Variants in MALRD1 observed in about 807,000 individuals in gnomAD.
The protein encoded by MALRD1 is MAM and LDL-receptor class A domain-containing protein 1.
MALRD1 carries 247 observed loss-of-function variants against 242.1 expected under a neutral mutation model. That is an observed-to-expected ratio of 1.02 (90% CI 0.92 to 1.13). The LOEUF (loss-of-function observed/expected upper bound fraction) is 1.13. Ranked by LOEUF, MALRD1 falls within the 50% of genes most tolerant of loss-of-function variation. The pLI is 0.00. For synonymous variants in MALRD1, 995 were observed against 866.6 expected (o/e 1.15, Z -2.60); for missense variants, 2,989 against 2,533.1 (o/e 1.18, Z -3.86).
chr10:19,543,433 C>CTTTTTTTTTTTTTTTTTTTTTTTTTT (rs71388849), intron 32 of MALRD1, among the ~76,000 whole-genome samples: 2 of 106,410 alleles, frequency 1.9e-5, no homozygotes, highest in African/African-American at 3.4e-5. Context: ...CAGCTGATTT[C>CTTTTTTTTTTTTTTTTTTTTTTTTTT]TTTTTTTTTT....
At chr10:19,320,447 A>G (rs954958373) in intron 21 of MALRD1, among the ~76,000 whole-genome samples, 1 of 151,946 alleles carries the variant, frequency 6.6e-6, no homozygotes, top group Non-Finnish European at 1.5e-5. Context: ...ATATGTGCCA[A>G]ATTTTCTTTA....
At chr10:19,098,781 A>G (rs1369803138) in intron 4 of MALRD1, among the ~76,000 whole-genome samples, 1 of 152,172 alleles carries the variant, frequency 6.6e-6, no homozygotes, top group Non-Finnish European at 1.5e-5. Context: ...TGGAGGTTTA[A>G]TAGGTGAAAG....
At chr10:19,139,796 C>G (rs1271323670) in intron 10 of MALRD1, among the ~76,000 whole-genome samples, 2 of 152,324 alleles carry the variant, frequency 1.3e-5, no homozygotes, top group Admixed American at 1.3e-4. Flanking sequence ...AATGCAGAAC[C>G]TCAGGCCCTG....
rs550573465 is a variant in MALRD1 at position 19,098,710 on chromosome 10, G to A, written c.598-5269G>A. Among the ~76,000 whole-genome samples the A allele has an allele frequency of 2.0e-5, 3 of 152,218 alleles. 1 individual carries two copies. The South Asian group carries it at 6.2e-4, about 32-fold the overall frequency. On this transcript the variant is annotated intron_variant, in intron 4 of 39. Transcript: ENST00000454679. ...CCTCGTTGTCTGGGGCTATACCTGAGGTTCATTGTTTCATGCCAAGGAAAT... is the reference window on the plus strand; with the variant it reads ...CCTCGTTGTCTGGGGCTATACCTGAAGTTCATTGTTTCATGCCAAGGAAAT...
intron 30 of MALRD1, among the ~76,000 whole-genome samples, chr10:19,497,586 C>G (rs1413642783): frequency 6.6e-6 from 1 of 151,878 alleles, no homozygotes; most frequent in Non-Finnish European, 1.5e-5. Flanking sequence ...AGGCTTTTTT[C>G]TGATTACATT....
chr10:19,181,004 A>G (rs1019216275), intron 14 of MALRD1, among the ~76,000 whole-genome samples: 2 of 152,172 alleles, frequency 1.3e-5, no homozygotes, highest in Non-Finnish European at 2.9e-5. Context: ...ATACAAATCC[A>G]AAACTCTTTT....
At chr10:19,251,704 C>T (rs1839298060) in intron 18 of MALRD1, among the ~76,000 whole-genome samples, 1 of 151,974 alleles carries the variant, frequency 6.6e-6, no homozygotes, top group African/African-American at 2.4e-5. Context: ...GGGAACCAGA[C>T]ATGGGACATG....
chr10:19,154,087 C>T (rs1178812119), intron 11 of MALRD1, among the ~76,000 whole-genome samples: 2 of 152,170 alleles, frequency 1.3e-5, no homozygotes, highest in African/African-American at 2.4e-5. Context: ...AACTTGCTCG[C>T]ATGCACTGTT....
chr10:19,591,866 C>T (rs936341467), intron 33 of MALRD1, among the ~76,000 whole-genome samples: 4 of 152,100 alleles, frequency 2.6e-5, no homozygotes, highest in African/African-American at 9.7e-5. Context: ...AGTACATCTT[C>T]CAGGAGTATT....
chr10:19,280,909 T>C (rs1840773635), intron 20 of MALRD1, among the ~76,000 whole-genome samples: 1 of 152,172 alleles, frequency 6.6e-6, no homozygotes, highest in African/African-American at 2.4e-5. Flanking sequence ...TCCCTGTTCT[T>C]CATGGAGTAG....
At chr10:19,395,042 CAATT>C (rs1224368079) in intron 28 of MALRD1, among the ~76,000 whole-genome samples, 2 of 152,174 alleles carry the variant, frequency 1.3e-5, no homozygotes, top group Non-Finnish European at 2.9e-5. Flanking sequence ...GAATGTAAAT[CAATT>C]AAACCACATT....
At chr10:19,330,815 C>G (rs954425846) in intron 23 of MALRD1, among the ~76,000 whole-genome samples, 2 of 151,066 alleles carry the variant, frequency 1.3e-5, no homozygotes, top group African/African-American at 4.9e-5. Context: ...ATACATGAAT[C>G]AAAAGCAAAT....
intron 31 of MALRD1, among the ~76,000 whole-genome samples, chr10:19,520,749 A>C (rs529435324): frequency 2.8e-4 from 43 of 152,224 alleles, no homozygotes; most frequent in African/African-American, 9.9e-4. Context: ...ATGTTTCGAC[A>C]ACAAAAACAA....
chr10:19,245,023 C>G (rs1467680425), intron 18 of MALRD1, among the ~76,000 whole-genome samples: 1 of 152,150 alleles, frequency 6.6e-6, no homozygotes, highest in African/African-American at 2.4e-5. Flanking sequence ...TGTCAGTGAG[C>G]TTGCATCATT....
chr10:19,160,848 TC>T (rs1321326688), intron 12 of MALRD1, among the ~76,000 whole-genome samples: 1 of 129,414 alleles, frequency 7.7e-6, no homozygotes, highest in Admixed American at 8.2e-5. Flanking sequence ...TTGATTCTTC[TC>T]TCTTTTTTTC....
chr10:19,141,159 C>T (rs1833526635), intron 10 of MALRD1, among the ~76,000 whole-genome samples: 1 of 152,020 alleles, frequency 6.6e-6, no homozygotes, highest in Non-Finnish European at 1.5e-5. Flanking sequence ...TACAACATGC[C>T]AAACATGTCC....
intron 29 of MALRD1, among the ~76,000 whole-genome samples, chr10:19,459,077 T>C (rs1353377672): frequency 6.6e-6 from 1 of 152,128 alleles, no homozygotes; most frequent in Non-Finnish European, 1.5e-5. Flanking sequence ...TGGAAGCAAA[T>C]ACATTTGCTG....
chr10:19,315,003 TATATAATTTATATAAATATATAA>T (rs1173166688), intron 21 of MALRD1, among the ~76,000 whole-genome samples: 12 of 143,832 alleles, frequency 8.3e-5, no homozygotes, highest in East Asian at 3.9e-4. Context: ...TTAGTAAATT[TATATAATTTATATAAATATATAA>T]ATATAATTTA....
chr10:19,187,328 G>C (rs1835784081), intron 14 of MALRD1, among the ~76,000 whole-genome samples: 1 of 152,120 alleles, frequency 6.6e-6, no homozygotes, highest in African/African-American at 2.4e-5. Flanking sequence ...AAGGGCAATG[G>C]GGGAAGGCAA....
Sources: allele counts gnomAD v4.1 joint callset (sites outside exome capture counted in the v4.1 genomes callset), GRCh38; gene constraint gnomAD v4.1.1; transcripts MANE v1.5; gene names NCBI Gene and HGNC (gene_info 2026-07-23, HGNC 2026-07-21).